FHIT: variants seen among roughly 807,000 people sequenced by gnomAD.
The protein encoded by FHIT is fragile histidine triad diadenosine triphosphatase.
A neutral mutation model predicts 17.9 loss-of-function variants in FHIT; 19 were observed. That is an observed-to-expected ratio of 1.06 (90% CI 0.74 to 1.56). The LOEUF is 1.56. Ranked by LOEUF, FHIT falls within the 40% of genes most tolerant of loss-of-function variation. The probability of loss-of-function intolerance (pLI) is 0.00; values close to 1 mark genes in which losing one functional copy is unlikely to be tolerated. For missense variants in FHIT, 248 were observed against 189.2 expected, an observed-to-expected ratio of 1.31 and a Z score of -1.82; for synonymous variants, 81 against 69.7, an observed-to-expected ratio of 1.16 and a Z score of -0.81.
intron 3 of FHIT, among the ~76,000 whole-genome samples, chr3:60,906,035 G>C (rs956353995): frequency 1.3e-5 from 2 of 151,932 alleles, no homozygotes; most frequent in African/African-American, 4.8e-5. Flanking sequence ...CTTGCATACA[G>C]GCAGGACATA....
At chr3:60,311,296 C>T (rs116651299) in intron 5 of FHIT, among the ~76,000 whole-genome samples, 1,842 of 151,770 alleles carry the variant, frequency 0.012, 39 homozygotes, top group African/African-American at 0.041. Context: ...TAGAACTATT[C>T]CTCATTTGGG....
chr3:60,626,294 C>T (rs1308868360), intron 4 of FHIT, among the ~76,000 whole-genome samples: 1 of 152,264 alleles, frequency 6.6e-6, no homozygotes, highest in Non-Finnish European at 1.5e-5. Flanking sequence ...TGCATTGAAT[C>T]TTTATGGCAC....
chr3:60,345,753 A>T (rs1469804315), intron 5 of FHIT, among the ~76,000 whole-genome samples: 12 of 152,224 alleles, frequency 7.9e-5, no homozygotes, highest in African/African-American at 2.9e-4. Flanking sequence ...TGACATCAGT[A>T]GTAAGACCTA....
chr3:59,967,397 A>G (rs1047211361), intron 7 of FHIT, among the ~76,000 whole-genome samples: 8 of 152,174 alleles, frequency 5.3e-5, no homozygotes, highest in African/African-American at 1.7e-4. Context: ...CTGGCAGCAT[A>G]GCTTTGTTTA....
At chr3:60,106,772 G>A (rs1216288522) in intron 5 of FHIT, among the ~76,000 whole-genome samples, 2 of 152,296 alleles carry the variant, frequency 1.3e-5, no homozygotes, top group African/African-American at 4.8e-5. Context: ...CAATATTGAT[G>A]GACGGCAGGA....
intron 4 of FHIT, among the ~76,000 whole-genome samples, chr3:60,554,401 A>G (rs767984959): frequency 9.2e-5 from 14 of 152,224 alleles, no homozygotes; most frequent in Non-Finnish European, 1.9e-4. Context: ...TTCTGGAGTA[A>G]TCAAAATTTC....
At chr3:60,359,961 G>C (rs893428500) in intron 5 of FHIT, among the ~76,000 whole-genome samples, 11 of 145,826 alleles carry the variant, frequency 7.5e-5, no homozygotes, top group Non-Finnish European at 1.5e-4. Flanking sequence ...GCAAACACTA[G>C]AACACTAGGA....
intron 5 of FHIT, among the ~76,000 whole-genome samples, chr3:60,335,922 T>C (rs1461308518): frequency 6.6e-6 from 1 of 152,206 alleles, no homozygotes; most frequent in African/African-American, 2.4e-5. Flanking sequence ...ATTACATTTT[T>C]TTCTCAGATG....
At chr3:59,789,610 G>A (rs1447240072) in intron 8 of FHIT, among the ~76,000 whole-genome samples, 1 of 152,116 alleles carries the variant, frequency 6.6e-6, no homozygotes, top group Non-Finnish European at 1.5e-5. Context: ...AACTCGTTTT[G>A]TCTTGTGGAA....
chr3:61,181,170 C>T (rs1486861959), intron 2 of FHIT, among the ~76,000 whole-genome samples: 5 of 152,114 alleles, frequency 3.3e-5, no homozygotes, highest in South Asian at 4.1e-4. Context: ...TCTTTGTCAA[C>T]GGAAAGAAGA....
chr3:60,746,761 G>A (rs888375353), intron 4 of FHIT, among the ~76,000 whole-genome samples: 1 of 152,134 alleles, frequency 6.6e-6, no homozygotes, highest in Non-Finnish European at 1.5e-5. Flanking sequence ...ACTGGGTAGG[G>A]GCTGAGGGTT....
chr3:61,096,618 C>G (rs977183675), intron 2 of FHIT, among the ~76,000 whole-genome samples: 1 of 152,140 alleles, frequency 6.6e-6, no homozygotes, highest in Non-Finnish European at 1.5e-5. Context: ...GTGGAGGAAG[C>G]CTGGGCTGCT....
intron 3 of FHIT, among the ~76,000 whole-genome samples, chr3:60,981,663 C>T (rs1710501999): frequency 6.6e-6 from 1 of 152,030 alleles, no homozygotes; most frequent in African/African-American, 2.4e-5. Context: ...TACTGGAGTA[C>T]AGTGATATGA....
intron 3 of FHIT, among the ~76,000 whole-genome samples, chr3:60,888,025 A>G (rs960656190): frequency 1.3e-5 from 2 of 152,176 alleles, no homozygotes; most frequent in Non-Finnish European, 2.9e-5. Context: ...AGATTAAATG[A>G]TATTTCCAAA....
intron 7 of FHIT, among the ~76,000 whole-genome samples, chr3:59,992,803 T>A (rs1284407380): frequency 6.6e-6 from 1 of 151,994 alleles, no homozygotes; most frequent in Non-Finnish European, 1.5e-5. Flanking sequence ...CACGTGAAAG[T>A]CACCATCACA....
chr3:60,544,243 ACTT>A (rs1398208960), intron 4 of FHIT, among the ~76,000 whole-genome samples: 6 of 150,766 alleles, frequency 4.0e-5, no homozygotes, highest in Non-Finnish European at 7.4e-5. Flanking sequence ...CTGAGTTTAA[ACTT>A]CTTTTTTTTT....
intron 2 of FHIT, among the ~76,000 whole-genome samples, chr3:61,101,127 T>A (rs1201324281): frequency 6.6e-6 from 1 of 152,206 alleles, no homozygotes; most frequent in Admixed American, 6.5e-5. Flanking sequence ...GTCATGAAAC[T>A]CTTTGCCCAT....
chr3:60,304,722 C>T (rs1187253760), intron 5 of FHIT, among the ~76,000 whole-genome samples: 1 of 152,016 alleles, frequency 6.6e-6, no homozygotes, highest in Non-Finnish European at 1.5e-5. Flanking sequence ...AATTCAAATT[C>T]AGCTGGGTCC....
chr3:61,093,373 T>C (rs2035543792), intron 2 of FHIT, among the ~76,000 whole-genome samples: 1 of 152,164 alleles, frequency 6.6e-6, no homozygotes, highest in African/African-American at 2.4e-5. Context: ...TGTCAAAACC[T>C]GGAGGGTAGA....
Sources: allele counts gnomAD v4.1 joint callset (sites outside exome capture counted in the v4.1 genomes callset), GRCh38; gene constraint gnomAD v4.1.1; transcripts MANE v1.5; gene names NCBI Gene and HGNC (gene_info 2026-07-23, HGNC 2026-07-21).